Variants in USP14 observed in about 807,000 individuals in gnomAD.
USP14 encodes the protein ubiquitin carboxyl-terminal hydrolase 14.
USP14 carries 38 observed loss-of-function variants against 76.5 expected under a neutral mutation model. The ratio of observed to expected loss-of-function variants is 0.50; its 90% confidence interval spans 0.38 to 0.65. USP14 has a LOEUF of 0.65. Ranked by LOEUF, USP14 falls within the 30% of genes least tolerant of loss-of-function variation. The pLI, the probability that USP14 is intolerant of heterozygous loss-of-function variation, is 0.00. For missense variants in USP14, 467 were observed against 586.5 expected (o/e 0.80, Z 2.10); for synonymous variants, 192 against 191.7 (o/e 1.00, Z -0.01).
intron 6 of USP14, among the ~76,000 whole-genome samples, chr18:194,188 C>T (rs1910168296): frequency 6.6e-6 from 1 of 152,100 alleles, no homozygotes; most frequent in African/African-American, 2.4e-5. Flanking sequence ...AAACAGGTTT[C>T]TTTTGTGTCA....
rs771088547 is a variant in USP14, at chr18:166,750, G to A, written c.163-37G>A. On this transcript the variant is annotated intron_variant, in intron 2 of 15. Coordinates refer to ENST00000261601, the MANE Select transcript of USP14 (RefSeq NM_005151.4). The stretch of plus-strand genomic sequence containing the variant: ...TATTAGATTGTGTTCAGCTTGTACA[G>A]TGGTGGTTAAATGTCTTTTGTTTGT... The A allele has an allele frequency of 3.1e-6, 5 of 1,603,420 alleles. No individual in the cohort carries two copies. In the South Asian group the frequency reaches 4.4e-5, roughly 14 times the overall value.
At position 213,162 on chromosome 18, in the gene USP14, TATTC is replaced by T. The variant is rs1446574312; in HGVS notation, c.*1882_*1885del. 1 of 152,202 alleles carries T rather than the reference TATTC, an allele frequency of 6.6e-6. No homozygotes were observed. The highest frequency in any genetic ancestry group is 1.5e-5 in the Non-Finnish European group (1 of 68,030). 9.4% of individuals were successfully genotyped at this position (152,202 alleles called of 1,614,324 possible). A position where few individuals can be genotyped will look rare whatever the true frequency, so the allele number is the denominator to read the frequency against. Reference sequence around the variant, plus strand: ...GCTTGTAACTTTGCAAAGTCTTTTTTATTCATTGTCTCATTTGGTCAGAACAATT... The same window carrying T: ...GCTTGTAACTTTGCAAAGTCTTTTTTATTGTCTCATTTGGTCAGAACAATT... On this transcript the variant is annotated 3_prime_UTR_variant, in exon 16 of 16. Coordinates refer to ENST00000261601, the MANE Select transcript of USP14 (RefSeq NM_005151.4).
intron 5 of USP14, among the ~76,000 whole-genome samples, chr18:189,858 G>A (rs1405208481): frequency 6.6e-6 from 1 of 152,126 alleles, no homozygotes; most frequent in East Asian, 1.9e-4. Flanking sequence ...TTGTCCCAGG[G>A]TGAACACATC....
intron 9 of USP14, among the ~76,000 whole-genome samples, chr18:198,867 G>A (rs1271062823): frequency 1.3e-5 from 2 of 152,122 alleles, no homozygotes. Flanking sequence ...GGAAAGTACT[G>A]TCTTCTAGGT....
chr18:209,123 T>C (rs1463420135), intron 13 of USP14, among the ~76,000 whole-genome samples: 1 of 102,342 alleles, frequency 9.8e-6, no homozygotes, highest in Non-Finnish European at 2.6e-5. Flanking sequence ...TGTTTTGCCT[T>C]TTTTTTTTTG....
Position 188,513 on chromosome 18 carries a change from T to A in USP14, c.405-4329T>A, listed in dbSNP as rs577826750. On this transcript the variant is annotated intron_variant, in intron 5 of 15. Coordinates refer to ENST00000261601, the MANE Select transcript of USP14 (RefSeq NM_005151.4). The stretch of plus-strand genomic sequence containing the variant: ...GCATTCTGTCTCCCTCTGGCTTTTT[T>A]TTTTTTTTTTTTCCTTTGTGAGGGT... Among the ~76,000 whole-genome samples, 6 of 150,768 alleles carry A rather than the reference T, an allele frequency of 4.0e-5. No homozygotes were observed. In the East Asian group the frequency reaches 7.7e-4, roughly 19 times the overall value.
intron 13 of USP14, among the ~76,000 whole-genome samples, chr18:205,876 T>C (rs924257437): frequency 6.6e-6 from 1 of 152,238 alleles, no homozygotes; most frequent in Non-Finnish European, 1.5e-5. Context: ...TCCAGGGTGT[T>C]GTGCATATCA....
intron 10 of USP14, among the ~76,000 whole-genome samples, chr18:202,031 A>T (rs903802240): frequency 6.6e-6 from 1 of 152,256 alleles, no homozygotes; most frequent in African/African-American, 2.4e-5. Flanking sequence ...ATTTTAAAAA[A>T]TCAGACTTTA....
At chr18:187,757 TC>T (rs1247239200) in intron 5 of USP14, among the ~76,000 whole-genome samples, 13 of 152,322 alleles carry the variant, frequency 8.5e-5, no homozygotes, top group Middle Eastern at 3.4e-3. Flanking sequence ...TTTCCATGGT[TC>T]CAAGATATAC....
At chr18:179,259 A>G (rs1236514456) in intron 4 of USP14, among the ~76,000 whole-genome samples, 2 of 152,046 alleles carry the variant, frequency 1.3e-5, no homozygotes, top group African/African-American at 4.8e-5. Flanking sequence ...TGTATTGTAC[A>G]CCTTACTACT....
intron 1 of USP14, among the ~76,000 whole-genome samples, chr18:160,335 A>G (rs561744974): frequency 1.3e-5 from 2 of 152,250 alleles, no homozygotes; most frequent in South Asian, 4.2e-4. Flanking sequence ...TTACATATCT[A>G]GATTATTAAA....
chr18:199,653 G>A (rs1346582162), intron 10 of USP14, among the ~76,000 whole-genome samples: 1 of 152,160 alleles, frequency 6.6e-6, no homozygotes, highest in Non-Finnish European at 1.5e-5. Flanking sequence ...AGGCTGTGAT[G>A]TGCCTTACTG....
At chr18:186,665 G>T (rs901310231) in intron 5 of USP14, among the ~76,000 whole-genome samples, 8 of 151,170 alleles carry the variant, frequency 5.3e-5, no homozygotes, top group African/African-American at 1.9e-4. Flanking sequence ...AGGCAGGTGG[G>T]TCGCTTGAAC....
Position 210,386 on chromosome 18 carries a change from A to G in USP14, c.1226A>G (p.Asp409Gly). 6.3e-7 allele frequency: 1 copy of G among 1,593,032 alleles called. No homozygotes were observed. The highest frequency in any genetic ancestry group is 8.6e-7 in the Non-Finnish European group (1 of 1,169,000). Reference protein sequence around the residue: ...VKYEPFSFADDIGSNNCGYYD... With the variant: ...VKYEPFSFADGIGSNNCGYYD... ...TTAATGGATTTACATCTTTCTTTAGATATTGGCTCCAATAATTGTGGATAC... is the reference window on the plus strand; with the variant it reads ...TTAATGGATTTACATCTTTCTTTAGGTATTGGCTCCAATAATTGTGGATAC... Residue 409 changes from aspartate (D) to glycine (G), a missense_variant and splice_region_variant, in exon 15 of 16, where the codon GAT becomes GGT. By Grantham distance (94) the Asp-to-Gly change is moderately conservative (BLOSUM62 -1). Transcript: ENST00000261601.
At chr18:186,117 T>C (rs982925468) in intron 5 of USP14, among the ~76,000 whole-genome samples, 1 of 152,162 alleles carries the variant, frequency 6.6e-6, no homozygotes, top group Non-Finnish European at 1.5e-5. Flanking sequence ...TCTCGGCCCT[T>C]ATGTCAGGAT....
At chr18:187,017 C>T (rs567329784) in intron 5 of USP14, among the ~76,000 whole-genome samples, 8 of 152,006 alleles carry the variant, frequency 5.3e-5, no homozygotes, top group African/African-American at 1.9e-4. Context: ...AGTTGTTATC[C>T]CAAAAGGTAG....
intron 8 of USP14, 67 bp from the exon 9 acceptor site, chr18:197,980 G>T: frequency 1.5e-6 from 2 of 1,378,576 alleles, no homozygotes; most frequent in South Asian, 1.4e-5. Flanking sequence ...TACTAAACTG[G>T]ATTGTGTGGA....
intron 1 of USP14, 138 bp downstream of exon 1, chr18:158,852 TG>T: frequency 8.1e-7 from 1 of 1,231,518 alleles, no homozygotes; most frequent in Non-Finnish European, 1.0e-6. Context: ...GGCGCGGAGA[TG>T]ACCCAGGCAC....
At chr18:203,319 A>G (rs1910433494) in intron 12 of USP14, 129 bp downstream of exon 12, 15 of 810,542 alleles carry the variant, frequency 1.9e-5, no homozygotes, top group Admixed American at 2.9e-5. Flanking sequence ...AGCTAATATT[A>G]GACAAGTGAT....
Sources: gnomAD v4.1 joint callset for allele counts (sites outside exome capture counted in the v4.1 genomes callset) on GRCh38, gnomAD v4.1.1 for gene constraint, MANE v1.5 for transcripts, NCBI Gene and HGNC (gene_info 2026-07-23, HGNC 2026-07-21) for gene names.